Variants in TNFAIP8 observed in about 807,000 individuals in gnomAD.
TNFAIP8 encodes the protein tumor necrosis factor alpha-induced protein 8.
In TNFAIP8, 7 loss-of-function variants were observed where a neutral mutation model predicts 13.3. The ratio of observed to expected loss-of-function variants is 0.52; its 90% CI spans 0.30 to 0.99. The LOEUF is 0.99. TNFAIP8 is among the 50% of genes least tolerant of loss of function. TNFAIP8 has a pLI of 0.07. For synonymous variants in TNFAIP8, 94 were observed against 87.6 expected (o/e 1.07, Z -0.41); for missense variants, 258 against 236.9 (o/e 1.09, Z -0.58).
At chr5:119,284,583 A>G (rs1748722328) in intron 1 of TNFAIP8, among the ~76,000 whole-genome samples, 1 of 152,042 alleles carries the variant, frequency 6.6e-6, no homozygotes, top group African/African-American at 2.4e-5. Context: ...TGGGAGGCTG[A>G]GGCAGGAGAA....
intron 1 of TNFAIP8, among the ~76,000 whole-genome samples, chr5:119,307,746 C>T (rs1178789927): frequency 5.9e-5 from 9 of 152,132 alleles, no homozygotes. Context: ...CATGGAAATG[C>T]AAGTGTATTT....
intron 1 of TNFAIP8, among the ~76,000 whole-genome samples, chr5:119,289,826 A>G (rs1336034005): frequency 6.6e-6 from 1 of 152,198 alleles, no homozygotes; most frequent in Non-Finnish European, 1.5e-5. Flanking sequence ...TTTTGGCAGT[A>G]TTTTCTAAAA....
chr5:119,293,152 A>G (rs1005482505), intron 1 of TNFAIP8, among the ~76,000 whole-genome samples: 5 of 152,172 alleles, frequency 3.3e-5, no homozygotes, highest in African/African-American at 1.2e-4. Context: ...TGGAATGGCT[A>G]AATCAAGCCA....
intron 1 of TNFAIP8, among the ~76,000 whole-genome samples, chr5:119,324,931 G>A (rs1373025389): frequency 1.3e-5 from 2 of 151,960 alleles, no homozygotes; most frequent in Admixed American, 1.3e-4. Context: ...CTGCAAGATC[G>A]GTTTTAAAGA....
intron 1 of TNFAIP8, among the ~76,000 whole-genome samples, chr5:119,372,054 G>T (rs909872419): frequency 6.0e-5 from 9 of 150,926 alleles, no homozygotes; most frequent in African/African-American, 2.2e-4. Flanking sequence ...GGAGAATGGC[G>T]TGAACCCGGG....
rs570159136 is a variant in TNFAIP8 at position 119,281,557 on chromosome 5, A to G, written c.1+12650A>G. On this transcript the variant is annotated intron_variant, in intron 1 of 1. Transcript: ENST00000274456. The stretch of plus-strand genomic sequence containing the variant: ...ACACACAAATCGTCTCCAAATAATG[A>G]CATTAATACTACCATTACCAGCTAT... Among the ~76,000 whole-genome samples, 151 of 152,330 alleles carry G rather than the reference A, an allele frequency of 9.9e-4. 3 individuals carry two copies. The Middle Eastern group carries it at 0.014, about 14-fold the overall frequency.
Position 119,392,824 on chromosome 5 carries a change from G to T in TNFAIP8, c.40G>T (p.Asp14Tyr). ...EAEESKEVAT[D>Y]VFNSKNLAVQ... Reference sequence around the variant, plus strand: ...TCTTTTTTTTTTTTTAGTGGCCACAGATGTCTTTAATTCCAAAAACCTGGC... The same window carrying T: ...TCTTTTTTTTTTTTTAGTGGCCACATATGTCTTTAATTCCAAAAACCTGGC... Residue 14 changes from aspartate to tyrosine, a missense_variant, in exon 2 of 2, where the codon GAT becomes TAT. Asp to Tyr is a radical substitution (Grantham distance 160). Transcript: ENST00000504771. The T allele has an allele frequency of 6.5e-7, 1 of 1,533,840 alleles. No homozygotes were observed.
Position 119,397,291 on chromosome 5 carries a change from C to T in TNFAIP8, c.*3910C>T, listed in dbSNP as rs1181163918. ...GCAGTTGCAATTTAGCATACAAAACCTGACAAATGGTAAATAAAAGAATAT... is the reference window on the plus strand; with the variant it reads ...GCAGTTGCAATTTAGCATACAAAACTTGACAAATGGTAAATAAAAGAATAT... On this transcript the variant is annotated 3_prime_UTR_variant, in exon 2 of 2. Transcript: ENST00000504771. The T allele has an allele frequency of 6.6e-6, 1 of 151,960 alleles. No individual in the cohort carries two copies. Among genetic ancestry groups the T allele is most frequent in the African/African-American group, 2.4e-5 (1 of 41,358 alleles). 9.4% of individuals were successfully genotyped at this position (151,960 alleles called of 1,614,324 possible). A position where few individuals can be genotyped will look rare whatever the true frequency, so the allele number is the denominator to read the frequency against.
At chr5:119,268,872 C>CTG (rs1748170904) in exon 1 of TNFAIP8, 2 of 703,056 alleles carry the variant, frequency 2.8e-6, no homozygotes, top group Non-Finnish European at 5.2e-6. Context: ...CCAGCTCGCG[C>CTG]TTCAGCGTCC....
chr5:119,280,325 A>G (rs1446675456), intron 1 of TNFAIP8, among the ~76,000 whole-genome samples: 2 of 142,652 alleles, frequency 1.4e-5, no homozygotes, highest in Admixed American at 7.0e-5. Flanking sequence ...TTTTAGTCTT[A>G]CCCATTAAAA....
In TNFAIP8 at chr5:119,328,252, CAAGAGACA is replaced by C. The variant is rs547276408; in HGVS notation, c.1+59347_1+59354del. Among the ~76,000 whole-genome samples, 275 of 152,140 alleles carry C rather than the reference CAAGAGACA, an allele frequency of 1.8e-3. 1 individual carries two copies. The highest frequency in any genetic ancestry group is 3.0e-3 in the Non-Finnish European group (201 of 67,984). On this transcript the variant is annotated intron_variant, in intron 1 of 1. Transcript: ENST00000274456. ...GACCCTCAACCCTTGCCCTTGTTTC[CAAGAGACA>C]ACTCGGCCTCCCAAAGTGCTGGGAT...
chr5:119,356,201 A>T, intron 1 of TNFAIP8, 80 bp downstream of exon 1: 1 of 1,298,550 alleles, frequency 7.7e-7, no homozygotes, highest in Admixed American at 2.3e-5. Flanking sequence ...AGAGGATGGG[A>T]GTTTTAAAGT....
At chr5:119,372,551 G>T (rs184825839) in intron 1 of TNFAIP8, among the ~76,000 whole-genome samples, 114 of 152,206 alleles carry the variant, frequency 7.5e-4, no homozygotes, top group Non-Finnish European at 3.1e-4. Flanking sequence ...TTGTTAAATG[G>T]CCACCGCTAT....
intron 1 of TNFAIP8, among the ~76,000 whole-genome samples, chr5:119,292,504 C>A (rs878876130): frequency 2.3e-4 from 35 of 151,200 alleles, no homozygotes; most frequent in Admixed American, 2.3e-3. Flanking sequence ...AGCAAGTCTA[C>A]TTCCAGATGT....
At chr5:119,333,497 C>T in intron 1 of TNFAIP8, 1 of 1,487,290 alleles carries the variant, frequency 6.7e-7, no homozygotes, top group African/African-American at 1.4e-5. Flanking sequence ...ACTGAGTCTC[C>T]CCGAGGGTGA....
At chr5:119,370,365 A>T (rs1351113577) in intron 1 of TNFAIP8, among the ~76,000 whole-genome samples, 2 of 152,254 alleles carry the variant, frequency 1.3e-5, no homozygotes, top group Non-Finnish European at 2.9e-5. Flanking sequence ...AGTTGAGTAA[A>T]GGAGGCTTTC....
chr5:119,299,091 C>T (rs1210768412), intron 1 of TNFAIP8, among the ~76,000 whole-genome samples: 1 of 152,034 alleles, frequency 6.6e-6, no homozygotes, highest in Non-Finnish European at 1.5e-5. Context: ...TGGTCTGAAG[C>T]TTTCTTCTCT....
intron 1 of TNFAIP8, among the ~76,000 whole-genome samples, chr5:119,373,889 T>A (rs1429586329): frequency 6.6e-6 from 1 of 152,232 alleles, no homozygotes; most frequent in Admixed American, 6.5e-5. Context: ...TACCTCTTTT[T>A]GTGCCATGTA....
At chr5:119,354,031 GGA>G (rs1438465417), upstream of TNFAIP8, among the ~76,000 whole-genome samples, 8 of 152,204 alleles carry the variant, frequency 5.3e-5, no homozygotes, top group African/African-American at 1.7e-4. Context: ...GATGGTATAG[GGA>G]GAGAGGGGCA....
Sources: allele counts gnomAD v4.1 joint callset (sites outside exome capture counted in the v4.1 genomes callset), GRCh38; gene constraint gnomAD v4.1.1; transcripts MANE v1.5; gene names NCBI Gene and HGNC (gene_info 2026-07-23, HGNC 2026-07-21).